The following ATP2B2 variants were observed in gnomAD, a reference collection of about 807,000 sequenced individuals.
The protein encoded by ATP2B2 is plasma membrane calcium-transporting ATPase 2.
A neutral mutation model predicts 120.0 loss-of-function variants in ATP2B2; 15 were observed. The ratio of observed to expected loss-of-function variants is 0.12; its 90% CI spans 0.08 to 0.19. ATP2B2 has a LOEUF of 0.19. Ranked by LOEUF, ATP2B2 falls within the 10% of genes least tolerant of loss-of-function variation. The probability of loss-of-function intolerance (pLI) is 1.00; values close to 1 mark genes in which losing one functional copy is unlikely to be tolerated. For synonymous variants in ATP2B2, 694 were observed against 700.3 expected (o/e 0.99, Z 0.14); for missense variants, 1,045 against 1,719.8 (o/e 0.61, Z 6.94).
In ATP2B2 at chr3:10,463,322, G is replaced by A. The variant is rs1256590957; in HGVS notation, c.-319-13460C>T. Among the ~76,000 whole-genome samples the A allele has an allele frequency of 2.6e-5, 4 of 152,266 alleles. 1 individual carries two copies. The South Asian group carries it at 6.2e-4, about 24-fold the overall frequency. The stretch of plus-strand genomic sequence containing the variant: ...CTCCACCAGGTCTGGTTCCATGACC[G>A]AGAAAGCAGTTGGACTATGGAATGA... On this transcript the variant is annotated intron_variant, in intron 1 of 22. Transcript: ENST00000360273.
chr3:10,438,089 T>C (rs73117760), intron 2 of ATP2B2, among the ~76,000 whole-genome samples: 3,941 of 152,218 alleles, frequency 0.026, 186 homozygotes, highest in African/African-American at 0.089. Context: ...GGCGGGTGTC[T>C]CTGCCCCCTG....
intron 1 of ATP2B2, among the ~76,000 whole-genome samples, chr3:10,455,743 A>T (rs956779928): frequency 6.6e-6 from 1 of 152,254 alleles, no homozygotes; most frequent in South Asian, 2.1e-4. Context: ...TGAGCAACAC[A>T]CTAGGGGTCA....
rs2060310196 is a variant in ATP2B2 at position 10,342,603 on chromosome 3, T to C, written c.2917+149A>G. Reference sequence around the variant, plus strand: ...TGTTCAAGACTTGCTGGTGTGACCTTGGGCAACTTACTTGACCTCCCTGGG... The same window carrying C: ...TGTTCAAGACTTGCTGGTGTGACCTCGGGCAACTTACTTGACCTCCCTGGG... On this transcript the variant is annotated intron_variant, in intron 19 of 22. Transcript: ENST00000360273. This position sits in a 1 kb window ranked among gnomAD's most constrained non-coding sequence, Gnocchi z 4.4. 1.1e-6 allele frequency: 1 copy of C among 910,532 alleles called. No individual in the cohort carries two copies. The highest frequency in any genetic ancestry group is 1.7e-6 in the Non-Finnish European group (1 of 580,468). The allele number at this position is 910,532 out of a possible 1,614,324, so 56.4% of individuals were successfully genotyped here. A position where few individuals can be genotyped will look rare whatever the true frequency, so the allele number is the denominator to read the frequency against.
intron 9 of ATP2B2, 145 bp downstream of exon 9, chr3:10,379,098 G>A: frequency 1.0e-6 from 1 of 994,264 alleles, no homozygotes. Flanking sequence ...GCAAATCACA[G>A]CTACACCCCC....
chr3:10,608,778 C>T (rs752509965), intron 2 of ATP2B2, among the ~76,000 whole-genome samples: 2 of 152,202 alleles, frequency 1.3e-5, no homozygotes, highest in Non-Finnish European at 2.9e-5. Flanking sequence ...TATCACACCT[C>T]ACATGGTACT....
At chr3:10,450,885 G>A (rs1456068071) in intron 1 of ATP2B2, among the ~76,000 whole-genome samples, 2 of 152,134 alleles carry the variant, frequency 1.3e-5, no homozygotes, top group Non-Finnish European at 2.9e-5. Context: ...GTGACAAAGG[G>A]CCCCAGCTGA....
At chr3:10,442,282 A>G (rs2063694196) in intron 2 of ATP2B2, among the ~76,000 whole-genome samples, 1 of 151,964 alleles carries the variant, frequency 6.6e-6, no homozygotes, top group South Asian at 2.1e-4. Flanking sequence ...TACGGGAAGC[A>G]CCTAGTGAGC....
In ATP2B2 at chr3:10,329,643, G is replaced by C. The variant is rs1167349552; in HGVS notation, c.3421-518C>G. Reference sequence around the variant, plus strand: ...TCACAAACAGAAAAGGCACAGAAAGGAGAGACGGTTGGATGAGTTGGGATG... The same window carrying C: ...TCACAAACAGAAAAGGCACAGAAAGCAGAGACGGTTGGATGAGTTGGGATG... On this transcript the variant is annotated intron_variant, in intron 22 of 22. Coordinates refer to ENST00000360273, the MANE Select transcript of ATP2B2 (RefSeq NM_001001331.4). This position sits in a 1 kb window ranked among gnomAD's most constrained non-coding sequence, Gnocchi z 5.9. Among the ~76,000 whole-genome samples, 1 of 152,160 alleles carries C rather than the reference G, an allele frequency of 6.6e-6. No individual in the cohort carries two copies. The highest frequency in any genetic ancestry group is 2.4e-5 in the African/African-American group (1 of 41,430).
intron 1 of ATP2B2, among the ~76,000 whole-genome samples, chr3:10,632,839 T>C (rs941255735): frequency 2.0e-5 from 3 of 152,200 alleles, no homozygotes; most frequent in African/African-American, 7.2e-5. Context: ...AGCCCCGGAA[T>C]AGTGAGGCCC....
At chr3:10,627,675 G>A (rs531722312) in intron 1 of ATP2B2, among the ~76,000 whole-genome samples, 2 of 152,214 alleles carry the variant, frequency 1.3e-5, no homozygotes, top group Non-Finnish European at 2.9e-5. Flanking sequence ...CGCAAGGGAA[G>A]AGCCTGGATC....
chr3:10,484,939 T>C (rs1189270025), intron 1 of ATP2B2, among the ~76,000 whole-genome samples: 2 of 152,178 alleles, frequency 1.3e-5, no homozygotes, highest in African/African-American at 4.8e-5. Context: ...GCTGTTTCCT[T>C]TGCACTGGAA....
chr3:10,428,342 G>T (rs547081196), intron 2 of ATP2B2, among the ~76,000 whole-genome samples: 1 of 152,308 alleles, frequency 6.6e-6, no homozygotes, highest in South Asian at 2.1e-4. Context: ...TTGGAAATAG[G>T]CACTTTTTTT....
chr3:10,621,735 T>G (rs1383586157), intron 1 of ATP2B2, among the ~76,000 whole-genome samples: 6 of 152,224 alleles, frequency 3.9e-5, no homozygotes, highest in Admixed American at 2.0e-4. Flanking sequence ...ACCTGAGCAT[T>G]TACTCCTCAT....
intron 12 of ATP2B2, among the ~76,000 whole-genome samples, chr3:10,368,463 G>A (rs1048885166): frequency 3.3e-5 from 5 of 150,510 alleles, no homozygotes; most frequent in East Asian, 2.0e-4. Context: ...CCATCCATTC[G>A]TCCATTCATC....
intron 2 of ATP2B2, among the ~76,000 whole-genome samples, chr3:10,558,992 A>G (rs1219144583): frequency 1.3e-5 from 2 of 152,144 alleles, no homozygotes; most frequent in Non-Finnish European, 1.5e-5. Context: ...ATAACCTCAC[A>G]CCTGTTATCC....
intron 1 of ATP2B2, among the ~76,000 whole-genome samples, chr3:10,627,448 G>T (rs1352976208): frequency 6.6e-6 from 1 of 152,186 alleles, no homozygotes; most frequent in African/African-American, 2.4e-5. Flanking sequence ...GGAGGACAGG[G>T]CAGGGGCAGG....
At chr3:10,446,103 C>T (rs1027526344) in intron 2 of ATP2B2, among the ~76,000 whole-genome samples, 2 of 152,176 alleles carry the variant, frequency 1.3e-5, no homozygotes, top group Admixed American at 6.5e-5. Context: ...GACCTCGAGC[C>T]CTCATATCCC....
chr3:10,330,325 T>C (rs1023058006), intron 22 of ATP2B2: 3 of 154,050 alleles, frequency 1.9e-5, no homozygotes, highest in Admixed American at 1.3e-4. Context: ...GTGCCTTGAC[T>C]GTGGACAAGC....
chr3:10,371,154 T>A, intron 12 of ATP2B2, among the ~76,000 whole-genome samples: 1 of 152,234 alleles, frequency 6.6e-6, no homozygotes, highest in South Asian at 2.1e-4. Flanking sequence ...TGACTTACAC[T>A]GGCCAAGAGA....
Sources: allele counts gnomAD v4.1 joint callset (sites outside exome capture counted in the v4.1 genomes callset), GRCh38; gene constraint gnomAD v4.1.1; non-coding constraint Gnocchi (gnomAD v3.1); transcripts MANE v1.5; gene names NCBI Gene and HGNC (gene_info 2026-07-23, HGNC 2026-07-21).